Variants in PLEKHA1 observed in about 807,000 individuals in gnomAD.
PLEKHA1 encodes the protein pleckstrin homology domain-containing family A member 1.
Under a neutral mutation model 52.0 loss-of-function variants are expected in PLEKHA1, and 34 were observed. The observed-to-expected ratio is 0.65, with a 90% CI of 0.50 to 0.87. The LOEUF (loss-of-function observed/expected upper bound fraction) is 0.87, where lower values mean the gene tolerates loss of function less well. Among genes scored for constraint, PLEKHA1 ranks in the 40% least tolerant of loss-of-function variants. The probability of loss-of-function intolerance (pLI) is 0.00; values close to 1 mark genes in which losing one functional copy is unlikely to be tolerated. For missense variants in PLEKHA1, 497 were observed against 504.2 expected (o/e 0.99, Z 0.14); for synonymous variants, 163 against 170.7 (o/e 0.95, Z 0.35).
intron 3 of PLEKHA1, among the ~76,000 whole-genome samples, chr10:122,399,988 G>A (rs1221886483): frequency 6.6e-6 from 1 of 152,146 alleles, no homozygotes; most frequent in South Asian, 2.1e-4. Flanking sequence ...AGAATGCATA[G>A]TTCTTGTAGA....
chr10:122,377,057 T>C (rs1266526720), intron 1 of PLEKHA1, among the ~76,000 whole-genome samples: 2 of 152,226 alleles, frequency 1.3e-5, no homozygotes, highest in African/African-American at 4.8e-5. Context: ...CCCGAAGTTA[T>C]TTTAATTGTG....
chr10:122,437,627 G>A, the PLEKHA1 span: 1 of 152,304 alleles, frequency 6.6e-6, no homozygotes, highest in Non-Finnish European at 1.5e-5. Flanking sequence ...TAAGAGCTTT[G>A]GAAGAAGAGG....
At chr10:122,440,335 A>G in the PLEKHA1 span, 2 of 152,264 alleles carry the variant, frequency 1.3e-5, no homozygotes, top group South Asian at 2.1e-4. Flanking sequence ...TTGCCCTTCC[A>G]TGTCCACCTT....
intron 1 of PLEKHA1, among the ~76,000 whole-genome samples, chr10:122,392,020 TGCC>T (rs2096783043): frequency 6.6e-6 from 1 of 152,166 alleles, no homozygotes; most frequent in Non-Finnish European, 1.5e-5. Flanking sequence ...GATGTGATGG[TGCC>T]AGCTATAGAA....
the PLEKHA1 span, chr10:122,440,809 A>G: frequency 6.6e-6 from 1 of 152,204 alleles, no homozygotes; most frequent in African/African-American, 2.4e-5. Flanking sequence ...GGACATAAAT[A>G]AGACAAGCAA....
intron 3 of PLEKHA1, among the ~76,000 whole-genome samples, chr10:122,399,816 A>G (rs2096902860): frequency 6.6e-6 from 1 of 151,886 alleles, no homozygotes; most frequent in South Asian, 2.1e-4. Flanking sequence ...TGATCTCCTG[A>G]CCTCGTGATC....
intron 1 of PLEKHA1, among the ~76,000 whole-genome samples, chr10:122,380,914 G>A (rs7086465): frequency 0.014 from 2,078 of 152,206 alleles, 37 homozygotes; most frequent in African/African-American, 0.047. Flanking sequence ...ACATAGTATT[G>A]AGGAGTGTGA....
At chr10:122,435,668 C>A (rs1227886987), downstream of PLEKHA1, 1 of 151,946 alleles carries the variant, frequency 6.6e-6, no homozygotes, top group Non-Finnish European at 1.5e-5. Context: ...GTATTTGGTC[C>A]TATTTGGAAA....
At chr10:122,383,721 G>A (rs959086313) in intron 1 of PLEKHA1, among the ~76,000 whole-genome samples, 8 of 152,050 alleles carry the variant, frequency 5.3e-5, no homozygotes, top group Non-Finnish European at 4.4e-5. Flanking sequence ...CAAAAATAAT[G>A]TGTCTGTTTT....
chr10:122,439,439 T>A, the PLEKHA1 span: 1 of 151,720 alleles, frequency 6.6e-6, no homozygotes, highest in Admixed American at 6.6e-5. Context: ...TTCAAAAGAA[T>A]TGGTATTCTA....
chr10:122,427,110 G>A lies in PLEKHA1; in HGVS notation c.900+79G>A, dbSNP rs1041982707. On this transcript the variant is annotated intron_variant, in intron 11 of 11. Coordinates refer to ENST00000368990, the MANE Select transcript of PLEKHA1 (RefSeq NM_001001974.4). The stretch of plus-strand genomic sequence containing the variant: ...AAATTTCCTCTCTCCCAATCCATCC[G>A]GTTTCTTTCTTTCTTGAGATTTATT... 4.6e-6 allele frequency: 6 copies of A among 1,311,890 alleles called. 1 individual carries two copies. Among genetic ancestry groups the A allele is most frequent in the South Asian group, 4.0e-5 (3 of 75,180 alleles). The allele number at this position is 1,311,890 out of a possible 1,614,324, so 81.3% of individuals were successfully genotyped here. A position where few individuals can be genotyped will look rare whatever the true frequency, so the allele number is the denominator to read the frequency against.
chr10:122,377,013 G>A (rs80123520), intron 1 of PLEKHA1, among the ~76,000 whole-genome samples: 7,893 of 152,186 alleles, frequency 0.052, 255 homozygotes, highest in East Asian at 0.14. Flanking sequence ...CTTAAGCCTG[G>A]AAGTTCTTTA....
At chr10:122,413,138 TG>T (rs2097129410) in intron 6 of PLEKHA1, 93 bp downstream of exon 6, 45 of 1,079,320 alleles carry the variant, frequency 4.2e-5, no homozygotes, top group Non-Finnish European at 5.7e-5. Context: ...TTTGCTTAAT[TG>T]GTATAATATA....
chr10:122,401,023 G>A (rs1444691625), intron 4 of PLEKHA1, among the ~76,000 whole-genome samples: 1 of 152,172 alleles, frequency 6.6e-6, no homozygotes, highest in African/African-American at 2.4e-5. Context: ...CTCAGGAGTC[G>A]GGGAGCCTCA....
At chr10:122,389,680 C>T (rs549207455) in intron 1 of PLEKHA1, among the ~76,000 whole-genome samples, 1 of 152,162 alleles carries the variant, frequency 6.6e-6, no homozygotes, top group East Asian at 1.9e-4. Context: ...ACCACTCTAG[C>T]CTGGGTGACA....
intron 11 of PLEKHA1, chr10:122,428,350 T>G: frequency 6.5e-7 from 1 of 1,545,334 alleles, no homozygotes; most frequent in Non-Finnish European, 8.7e-7. Flanking sequence ...GCAGCACGTA[T>G]GTGGGCTCTC....
chr10:122,419,559 C>CTA (rs1487615617), intron 8 of PLEKHA1: 3 of 152,136 alleles, frequency 2.0e-5, no homozygotes, highest in African/African-American at 7.2e-5. Context: ...TTGAGCTCTC[C>CTA]ATGAACCTGG....
At chr10:122,425,131 G>A (rs1169944923) in intron 10 of PLEKHA1, 172 bp downstream of exon 10, 1 of 433,688 alleles carries the variant, frequency 2.3e-6, no homozygotes, top group Non-Finnish European at 4.0e-6. Context: ...GGGGTTATAT[G>A]TTCAGGAAGT....
At chr10:122,438,460 A>C in the PLEKHA1 span, 1 of 152,370 alleles carries the variant, frequency 6.6e-6, no homozygotes, top group Middle Eastern at 3.4e-3. Context: ...AGGAAGGCAC[A>C]GTATGTGGTG....
Sources: allele counts gnomAD v4.1 joint callset (sites outside exome capture counted in the v4.1 genomes callset), GRCh38; gene constraint gnomAD v4.1.1; transcripts MANE v1.5; gene names NCBI Gene and HGNC (gene_info 2026-07-23, HGNC 2026-07-21).